The following TNFRSF11B variants were observed in gnomAD, a reference collection of about 807,000 sequenced individuals.
TNFRSF11B encodes tumor necrosis factor receptor superfamily member 11B.
TNFRSF11B carries 16 observed loss-of-function variants against 43.4 expected under a neutral mutation model. The observed-to-expected ratio is 0.37, with a 90% confidence interval of 0.25 to 0.56. TNFRSF11B has a LOEUF of 0.56. Ranked by LOEUF, TNFRSF11B falls within the 20% of genes least tolerant of loss-of-function variation. TNFRSF11B has a pLI of 0.80. For missense variants in TNFRSF11B, 444 were observed against 490.1 expected (o/e 0.91, Z 0.89); for synonymous variants, 185 against 181.8 (o/e 1.02, Z -0.14).
At chr8:118,929,071 T>C in intron 2 of TNFRSF11B, 142 bp from the exon 3 acceptor site, 1 of 763,080 alleles carries the variant, frequency 1.3e-6, no homozygotes, top group Non-Finnish European at 2.2e-6. Flanking sequence ...ATTTTCATTT[T>C]TCACTTCATT....
intron 1 of TNFRSF11B, among the ~76,000 whole-genome samples, chr8:118,948,792 CAAAAA>C (rs35629647): frequency 2.8e-4 from 42 of 150,020 alleles, no homozygotes; most frequent in Non-Finnish European, 5.3e-4. Flanking sequence ...AACAAACAAA[CAAAAA>C]AAAACTTAAC....
At chr8:118,933,393 T>C in intron 1 of TNFRSF11B, 93 bp from the exon 2 acceptor site, 1 of 1,570,218 alleles carries the variant, frequency 6.4e-7, no homozygotes, top group African/African-American at 1.3e-5. Context: ...AAGTCCTGTA[T>C]TACCTTAAGC....
At chr8:118,938,071 A>T (rs544901510) in intron 1 of TNFRSF11B, among the ~76,000 whole-genome samples, 61 of 152,310 alleles carry the variant, frequency 4.0e-4, no homozygotes, top group African/African-American at 1.5e-3. Flanking sequence ...CATATTTAAG[A>T]AGTAGGAAAG....
At chr8:118,935,738 A>C (rs35711941) in intron 1 of TNFRSF11B, among the ~76,000 whole-genome samples, 62 of 152,194 alleles carry the variant, frequency 4.1e-4, no homozygotes, top group Admixed American at 1.2e-3. Flanking sequence ...CTTGCTGTTC[A>C]CATTCAGTTT....
At chr8:118,939,381 T>A (rs1812446946) in intron 1 of TNFRSF11B, among the ~76,000 whole-genome samples, 1 of 152,148 alleles carries the variant, frequency 6.6e-6, no homozygotes, top group Non-Finnish European at 1.5e-5. Flanking sequence ...CCCATTCTGA[T>A]TTAAAATACT....
chr8:118,933,024 G>A lies in TNFRSF11B; in HGVS notation c.307C>T (p.Arg103Cys), dbSNP rs756124545. 3 of 1,614,022 alleles carry A rather than the reference G, an allele frequency of 1.9e-6. No individual in the cohort carries two copies. The highest frequency in any genetic ancestry group is 1.1e-5 in the South Asian group (1 of 91,074). ...CGCCCTTCCTTGCATTCGCACACGC[G>A]GTTGTGGGTGCGATTGCACTCCTGC... Reference protein sequence around the residue: ...VKQECNRTHNRVCECKEGRYL... With the variant: ...VKQECNRTHNCVCECKEGRYL... Residue 103 changes from arginine (R) to cysteine (C), a missense_variant, in exon 2 of 5, where the codon CGC becomes TGC. Coordinates refer to ENST00000297350, the MANE Select transcript of TNFRSF11B (RefSeq NM_002546.4).
intron 1 of TNFRSF11B, among the ~76,000 whole-genome samples, chr8:118,934,884 A>C (rs1407174416): frequency 1.3e-5 from 2 of 152,184 alleles, no homozygotes; most frequent in Admixed American, 1.3e-4. Flanking sequence ...AAGATAAAGA[A>C]TGGCCTTTTT....
chr8:118,939,158 G>A (rs1044999606), intron 1 of TNFRSF11B, among the ~76,000 whole-genome samples: 6 of 152,072 alleles, frequency 3.9e-5, no homozygotes, highest in East Asian at 1.9e-4. Flanking sequence ...AAGATCTCTC[G>A]GTACTATGAG....
intron 1 of TNFRSF11B, among the ~76,000 whole-genome samples, chr8:118,933,796 G>A (rs11573903): frequency 0.05 from 7,593 of 152,130 alleles, 569 homozygotes; most frequent in African/African-American, 0.17. Flanking sequence ...TGTTTCTGAC[G>A]CCTGGGATGC....
At chr8:118,929,879 A>G (rs746702115) in intron 2 of TNFRSF11B, among the ~76,000 whole-genome samples, 1 of 152,242 alleles carries the variant, frequency 6.6e-6, no homozygotes, top group Non-Finnish European at 1.5e-5. Context: ...CAAGATAACA[A>G]ATATGAAAGA....
In TNFRSF11B at chr8:118,924,327, A is replaced by G; in HGVS notation, c.*47T>C. 6.2e-7 allele frequency: 1 copy of G among 1,609,356 alleles called. No homozygotes were observed. The highest frequency in any genetic ancestry group is 8.5e-7 in the Non-Finnish European group (1 of 1,177,154). ...TGCCTGAGAAACAGTTTACTCATCCATGGGATCTCGCCAATTGTGAGGAAA... is the reference window on the plus strand; with the variant it reads ...TGCCTGAGAAACAGTTTACTCATCCGTGGGATCTCGCCAATTGTGAGGAAA... On this transcript the variant is annotated 3_prime_UTR_variant, in exon 5 of 5. Coordinates refer to ENST00000297350, the MANE Select transcript of TNFRSF11B (RefSeq NM_002546.4).
chr8:118,928,784 G>A lies in TNFRSF11B; in HGVS notation c.546C>T (p.Asp182=), dbSNP rs1161522390. 6 of 1,614,160 alleles carry A rather than the reference G, an allele frequency of 3.7e-6. No individual in the cohort carries two copies. The highest frequency in any genetic ancestry group is 2.2e-5 in the East Asian group (1 of 44,880). ...ATTCACTGTTTCCGGAACATATGTT[G>A]TCGTGTGTTGCATTTCCTTTCTGAG... The part of the protein sequence containing the change: ...LLTQKGNATH[D]NICSGNSEST... Residue 182 remains aspartate, a synonymous_variant, in exon 3 of 5, where the codon GAC becomes GAT. Transcript: ENST00000297350.
At chr8:118,949,791 A>G (rs1197391024) in intron 1 of TNFRSF11B, among the ~76,000 whole-genome samples, 1 of 152,222 alleles carries the variant, frequency 6.6e-6, no homozygotes, top group African/African-American at 2.4e-5. Flanking sequence ...GCCTAGTGCC[A>G]GTGGAATGCC....
chr8:118,946,456 A>G (rs1019067029), intron 1 of TNFRSF11B, among the ~76,000 whole-genome samples: 1 of 152,138 alleles, frequency 6.6e-6, no homozygotes, highest in Non-Finnish European at 1.5e-5. Flanking sequence ...ATTACATGTC[A>G]CATAAAAACA....
intron 1 of TNFRSF11B, among the ~76,000 whole-genome samples, chr8:118,935,672 G>T (rs1337066147): frequency 1.3e-5 from 2 of 152,066 alleles, no homozygotes; most frequent in African/African-American, 4.8e-5. Context: ...ATAAAATGAG[G>T]ATTTCCTGAT....
At chr8:118,944,977 G>T (rs1375499823) in intron 1 of TNFRSF11B, among the ~76,000 whole-genome samples, 1 of 151,974 alleles carries the variant, frequency 6.6e-6, no homozygotes, top group Non-Finnish European at 1.5e-5. Flanking sequence ...ATGCATATTG[G>T]CTAAAGACAA....
chr8:118,932,833 A>T (rs1304124806), intron 2 of TNFRSF11B, 98 bp downstream of exon 2: 12 of 1,524,954 alleles, frequency 7.9e-6, no homozygotes, highest in Non-Finnish European at 1.1e-5. Context: ...GCAATTTGCT[A>T]TCCTATAATG....
chr8:118,936,549 C>T (rs914635358), intron 1 of TNFRSF11B, among the ~76,000 whole-genome samples: 15 of 152,084 alleles, frequency 9.9e-5, no homozygotes, highest in African/African-American at 3.1e-4. Flanking sequence ...CCTGGAAAAG[C>T]GATGAAAAAT....
rs1319332041 is a variant in TNFRSF11B, at chr8:118,927,872, G to A, written c.592+866C>T. 3.3e-5 allele frequency among the ~76,000 whole-genome samples: 5 copies of A among 152,110 alleles called. No homozygotes were observed. In the East Asian group the frequency reaches 7.7e-4, roughly 23 times the overall value. ...AGCCTGATGAATTGTCATCACTACC[G>A]TGGAATGCATTCGAATAACCTGAAC... On this transcript the variant is annotated intron_variant, in intron 3 of 4. Coordinates refer to ENST00000297350, the MANE Select transcript of TNFRSF11B (RefSeq NM_002546.4).
Sources: gnomAD v4.1 joint callset for allele counts (sites outside exome capture counted in the v4.1 genomes callset) on GRCh38, gnomAD v4.1.1 for gene constraint, MANE v1.5 for transcripts, NCBI Gene and HGNC (gene_info 2026-07-23, HGNC 2026-07-21) for gene names.